TMEM87B: variants seen among roughly 807,000 people sequenced by gnomAD.
TMEM87B encodes the protein transmembrane protein 87B.
TMEM87B carries 83 observed loss-of-function variants against 80.3 expected under a neutral mutation model. The observed-to-expected ratio is 1.03, with a 90% confidence interval of 0.87 to 1.24. The LOEUF (loss-of-function observed/expected upper bound fraction) is 1.24. Ranked by LOEUF, TMEM87B falls within the 50% of genes most tolerant of loss-of-function variation. TMEM87B has a pLI of 0.00. For synonymous variants in TMEM87B, 219 were observed against 230.5 expected (o/e 0.95, Z 0.45); for missense variants, 625 against 674.4 (o/e 0.93, Z 0.81).
intron 6 of TMEM87B, among the ~76,000 whole-genome samples, chr2:112,080,321 G>T (rs1336951104): frequency 6.7e-6 from 1 of 148,728 alleles, no homozygotes; most frequent in Non-Finnish European, 1.5e-5. Flanking sequence ...GTGCAGTGGC[G>T]TGATCTCGGC....
intron 2 of TMEM87B, among the ~76,000 whole-genome samples, chr2:112,061,114 T>G (rs1177724617): frequency 6.6e-6 from 1 of 152,214 alleles, no homozygotes; most frequent in Non-Finnish European, 1.5e-5. Context: ...GTTTTAAGGT[T>G]GATAAAAGTT....
chr2:112,106,014 A>C lies in TMEM87B; in HGVS notation c.1463A>C (p.Lys488Thr), dbSNP rs1414668449. 4 of 1,570,340 alleles carry C rather than the reference A, an allele frequency of 2.5e-6. No homozygotes were observed. Among genetic ancestry groups the C allele is most frequent in the Non-Finnish European group, 3.4e-6 (4 of 1,164,224 alleles). ...ATGTCTCTCGTAGCCGAAGGAATAA[A>C]ATTAAGAGCCTCAAAATCAGTTTCC... The part of the protein sequence containing the change: ...VTSENLTEGI[K>T]LRASKSVSNG... The change falls in exon 16 of 19, where the codon AAA (lysine) becomes ACA (threonine). Residue 488 changes from lysine to threonine, a missense_variant. Lys to Thr is a moderately conservative substitution (Grantham distance 78). Transcript: ENST00000283206.
At chr2:112,106,434 A>G (rs1163377399) in intron 16 of TMEM87B, among the ~76,000 whole-genome samples, 1 of 152,204 alleles carries the variant, frequency 6.6e-6, no homozygotes, top group African/African-American at 2.4e-5. Context: ...GAGATGGGAA[A>G]GCTTTGTTCC....
intron 6 of TMEM87B, among the ~76,000 whole-genome samples, chr2:112,080,598 T>G (rs533849673): frequency 6.6e-6 from 1 of 152,344 alleles, no homozygotes; most frequent in Non-Finnish European, 1.5e-5. Context: ...TTCTTGCTAT[T>G]GAGTTGTTTG....
At chr2:112,083,087 T>G (rs1679047895) in intron 8 of TMEM87B, among the ~76,000 whole-genome samples, 1 of 152,240 alleles carries the variant, frequency 6.6e-6, no homozygotes, top group African/African-American at 2.4e-5. Context: ...AAGCATCAAA[T>G]TTAGAAAAAT....
chr2:112,068,162 C>T (rs915516060), intron 4 of TMEM87B, among the ~76,000 whole-genome samples: 3 of 152,074 alleles, frequency 2.0e-5, no homozygotes, highest in South Asian at 2.1e-4. Flanking sequence ...TGCAGTGAGC[C>T]GAGATCACGC....
At chr2:112,081,595 C>T (rs1048339910) in intron 8 of TMEM87B, 77 bp downstream of exon 8, 44 of 1,330,714 alleles carry the variant, frequency 3.3e-5, no homozygotes, top group Non-Finnish European at 4.5e-5. Context: ...AGTGGGAGGC[C>T]CCCTTCTGAA....
chr2:112,077,939 A>T (rs192560573), intron 6 of TMEM87B, among the ~76,000 whole-genome samples: 1 of 152,236 alleles, frequency 6.6e-6, no homozygotes, highest in Non-Finnish European at 1.5e-5. Context: ...GCAGTAGCCA[A>T]TCAGCATGTG....
At position 112,117,071 on chromosome 2, in the gene TMEM87B, ATAAT is replaced by A. The variant is rs1318331368; in HGVS notation, c.*934_*937del. ...TGCATGCTACATCACTATTGATTTT[ATAAT>A]TAATTTCTTAAGCTTCAACCATGTT... On this transcript the variant is annotated 3_prime_UTR_variant, in exon 19 of 19. Transcript: ENST00000283206. The A allele has an allele frequency of 1.3e-5, 2 of 152,298 alleles. No homozygotes were observed. Among genetic ancestry groups the A allele is most frequent in the Non-Finnish European group, 2.9e-5 (2 of 68,038 alleles). The allele number at this position is 152,298 out of a possible 1,614,324, so 9.4% of individuals were successfully genotyped here. A position where few individuals can be genotyped will look rare whatever the true frequency, so the allele number is the denominator to read the frequency against.
intron 17 of TMEM87B, 50 bp from the exon 18 acceptor site, chr2:112,112,849 C>A: frequency 6.3e-7 from 1 of 1,574,844 alleles, no homozygotes; most frequent in Non-Finnish European, 8.7e-7. Flanking sequence ...CGTGGATACA[C>A]TGGCCTTACT....
At position 112,102,554 on chromosome 2, in the gene TMEM87B, C is replaced by T. The variant is rs191035976; in HGVS notation, c.1450+1859C>T. 3.5e-3 allele frequency among the ~76,000 whole-genome samples: 536 copies of T among 151,888 alleles called. 2 individuals carry two copies. The highest frequency in any genetic ancestry group is 0.012 in the African/African-American group (518 of 41,444). On this transcript the variant is annotated intron_variant, in intron 15 of 18. Transcript: ENST00000283206. ...ACTAAAAATACAAAAATTAGCCGGGCGTGGTGGTGTGTGCCTGTAATCCCA... is the reference window on the plus strand; with the variant it reads ...ACTAAAAATACAAAAATTAGCCGGGTGTGGTGGTGTGTGCCTGTAATCCCA...
rs916886594 is a variant in TMEM87B, at chr2:112,082,141, A to G, written c.838+623A>G. 2.6e-5 allele frequency among the ~76,000 whole-genome samples: 4 copies of G among 152,162 alleles called. No individual in the cohort carries two copies. In the South Asian group the frequency reaches 8.3e-4, roughly 32 times the overall value. Reference sequence around the variant, plus strand: ...TTCAGGCCAGAGAAGTAAAGGTACAACTCTCCCACCAAAGCTTTGGAAAGA... The same window carrying G: ...TTCAGGCCAGAGAAGTAAAGGTACAGCTCTCCCACCAAAGCTTTGGAAAGA... On this transcript the variant is annotated intron_variant, in intron 8 of 18. Coordinates refer to ENST00000283206, the MANE Select transcript of TMEM87B (RefSeq NM_032824.3).
At position 112,081,048 on chromosome 2, in the gene TMEM87B, C is replaced by T. The variant is rs200129219; in HGVS notation, c.593-9C>T. The T allele has an allele frequency of 3.3e-4, 527 of 1,609,772 alleles. 1 individual carries two copies. The highest frequency in any genetic ancestry group is 6.3e-4 in the South Asian group (57 of 90,858). ...CTGTTAATTAACTCTCTCTTCTTCTCTATCCTAGTTTCTCTTTCTATGATT... is the reference window on the plus strand; with the variant it reads ...CTGTTAATTAACTCTCTCTTCTTCTTTATCCTAGTTTCTCTTTCTATGATT... On this transcript the variant is annotated splice_polypyrimidine_tract_variant and intron_variant, in intron 6 of 18. Coordinates refer to ENST00000283206, the MANE Select transcript of TMEM87B (RefSeq NM_032824.3).
Position 112,077,180 on chromosome 2 carries a change from C to A in TMEM87B, c.502-12C>A. On this transcript the variant is annotated splice_polypyrimidine_tract_variant and intron_variant, in intron 5 of 18. Transcript: ENST00000283206. ...TAAAAATAATGAAGAATTTTTTTCA[C>A]CTCTATTTCAGGATGTTGTAGCCAG... 1.3e-6 allele frequency: 2 copies of A among 1,506,228 alleles called. No individual in the cohort carries two copies. Among genetic ancestry groups the A allele is most frequent in the Admixed American group, 2.0e-5 (1 of 50,716 alleles). 93.3% of individuals were successfully genotyped at this position (1,506,228 alleles called of 1,614,324 possible).
chr2:112,105,897 T>C, intron 15 of TMEM87B, 105 bp from the exon 16 acceptor site: 2 of 735,590 alleles, frequency 2.7e-6, no homozygotes, highest in Non-Finnish European at 4.0e-6. Flanking sequence ...TTATTAACCC[T>C]CCATTTCTAA....
chr2:112,112,554 C>T (rs1163288979), intron 17 of TMEM87B, among the ~76,000 whole-genome samples: 1 of 152,218 alleles, frequency 6.6e-6, no homozygotes, highest in African/African-American at 2.4e-5. Flanking sequence ...CCCACTTTCC[C>T]AAAGGTCCTG....
At chr2:112,064,403 A>G (rs1244283192) in intron 3 of TMEM87B, 150 bp downstream of exon 3, 3 of 623,650 alleles carry the variant, frequency 4.8e-6, no homozygotes, top group East Asian at 2.7e-5. Context: ...CAATAAACCA[A>G]GTTACATGCT....
chr2:112,084,470 T>C (rs72942003), intron 8 of TMEM87B, among the ~76,000 whole-genome samples: 12,458 of 152,238 alleles, frequency 0.082, 1,197 homozygotes, highest in African/African-American at 0.23. Context: ...TGTGTGGCGG[T>C]CTCGCCCCAG....
At chr2:112,100,940 A>G (rs977858710) in intron 15 of TMEM87B, among the ~76,000 whole-genome samples, 8 of 152,168 alleles carry the variant, frequency 5.3e-5, no homozygotes, top group Admixed American at 3.3e-4. Context: ...ACTGTTTTTC[A>G]TAAGAATGGT....
Sources: gnomAD v4.1 joint callset for allele counts (sites outside exome capture counted in the v4.1 genomes callset) on GRCh38, gnomAD v4.1.1 for gene constraint, MANE v1.5 for transcripts, NCBI Gene and HGNC (gene_info 2026-07-23, HGNC 2026-07-21) for gene names.